PNPLA4: variants seen among roughly 807,000 people sequenced by gnomAD.
The protein encoded by PNPLA4 is patatin like domain 4, phospholipase and triacylglycerol lipase, also known as patatin-like phospholipase domain-containing protein 4.
In PNPLA4, 15 loss-of-function variants were observed where a neutral mutation model predicts 18.3. That is an observed-to-expected ratio of 0.82 (90% CI 0.55 to 1.26). The LOEUF (loss-of-function observed/expected upper bound fraction) is 1.26, where lower values mean the gene tolerates loss of function less well. Ranked by LOEUF, PNPLA4 falls within the 50% of genes most tolerant of loss-of-function variation. PNPLA4 has a pLI of 0.00. For missense variants in PNPLA4, 229 were observed against 196.8 expected, an observed-to-expected ratio of 1.16 and a Z score of -0.98; for synonymous variants, 88 against 85.6, an observed-to-expected ratio of 1.03 and a Z score of -0.16.
At chrX:7,900,849 G>A (rs750330228) in intron 6 of PNPLA4, 32 bp from the exon 7 acceptor site, 1 of 1,130,107 alleles carries the variant, frequency 8.8e-7, no homozygotes, top group East Asian at 3.0e-5. Flanking sequence ...TTAAGCTGTA[G>A]GATATTGCAG....
intron 2 of PNPLA4, among the ~76,000 whole-genome samples, chrX:7,923,399 G>T (rs778428173): frequency 1.3e-4 from 15 of 112,096 alleles, no homozygotes; most frequent in Non-Finnish European, 2.3e-4. Context: ...AAAAGGTAAG[G>T]AAATGGATTC....
intron 5 of PNPLA4, among the ~76,000 whole-genome samples, chrX:7,910,872 ACT>A (rs1161571540): frequency 7.3e-5 from 8 of 109,173 alleles, no homozygotes; most frequent in Non-Finnish European, 1.5e-4. Flanking sequence ...TTAGATATCT[ACT>A]CTATTTAATT....
At chrX:7,917,539 A>G (rs1314631853) in intron 4 of PNPLA4, among the ~76,000 whole-genome samples, 1 of 112,176 alleles carries the variant, frequency 8.9e-6, no homozygotes, top group African/African-American at 3.2e-5. Context: ...GTGGGTTATT[A>G]TGTTATTCGT....
chrX:7,909,437 T>C (rs2146756306), intron 5 of PNPLA4, among the ~76,000 whole-genome samples: 1 of 110,297 alleles, frequency 9.1e-6, no homozygotes, highest in South Asian at 4.0e-4. Flanking sequence ...CATGCACCTG[T>C]AGTCCCAGCT....
Position 7,901,923 on chromosome X carries a change from G to A in PNPLA4, c.630+66C>T. 5 of 1,079,415 alleles carry A rather than the reference G, an allele frequency of 4.6e-6. No homozygotes were observed. The South Asian group carries it at 6.0e-5, about 13-fold the overall frequency. 89.0% of individuals were successfully genotyped at this position (1,079,415 alleles called of 1,213,427 possible). A position where few individuals can be genotyped will look rare whatever the true frequency, so the allele number is the denominator to read the frequency against. ...TGAACTTCCAGTGCTTGGGAAACAC[G>A]TTGAATTCTGTGGGAATTTTTAGTA... On this transcript the variant is annotated intron_variant, in intron 6 of 6. Transcript: ENST00000381042.
rs759325675 is a variant in PNPLA4 at position 7,926,134 on chromosome X, T to C, written c.-13-2A>G. 8.4e-7 allele frequency: 1 copy of C among 1,189,265 alleles called. No individual in the cohort carries two copies. Among genetic ancestry groups the C allele is most frequent in the Non-Finnish European group, 1.1e-6 (1 of 880,130 alleles). ...ATGTGCTTCATTCTAGCTGTAGCAC[T>C]GGCAATACAAAAAACAAAAATGCTG... On this transcript the variant is annotated splice_acceptor_variant, in intron 1 of 6. Transcript: ENST00000381042. LOFTEE classifies it low-confidence loss of function (5UTR_SPLICE).
chrX:7,915,350 C>G (rs1924013374), intron 4 of PNPLA4, among the ~76,000 whole-genome samples: 2 of 107,556 alleles, frequency 1.9e-5, no homozygotes, highest in Non-Finnish European at 3.8e-5. Context: ...GAACACAGAC[C>G]AGGGATGCTG....
At position 7,904,863 on chromosome X, in the gene PNPLA4, AG is replaced by A. The variant is rs200507391; in HGVS notation, c.478-2723del. On this transcript the variant is annotated intron_variant, in intron 5 of 6. Transcript: ENST00000381042. ...AATAGCTGCTGGTCTACCCCGTTAG[AG>A]TTTTCCTGTGTGTTTGTCAGTTTTC... Among the ~76,000 whole-genome samples the A allele has an allele frequency of 9.5e-3, 1,066 of 111,739 alleles. 10 individuals are homozygous for A. The highest frequency in any genetic ancestry group is 0.033 in the African/African-American group (1,013 of 30,701).
chrX:7,913,433 G>C (rs1157219196), intron 4 of PNPLA4, among the ~76,000 whole-genome samples: 1 of 112,246 alleles, frequency 8.9e-6, no homozygotes, highest in Non-Finnish European at 1.9e-5. Flanking sequence ...AAAGGCACAG[G>C]CCTGGTTGTA....
Position 7,921,755 on chromosome X carries a change from ATT to A in PNPLA4, c.367_368del (p.Asn123SerfsTer14). ...TGGAGGAAAAAGTGGAGACTAAGTG[ATT>A]TTCTCTGGTTTTGGCGTTGGTGATG... ...VSITNAKTRE[N>X]HLVSTFSSRE... On this transcript the variant is annotated frameshift_variant, in exon 4 of 7. Transcript: ENST00000381042. 1 of 1,207,106 alleles carries A rather than the reference ATT, an allele frequency of 8.3e-7. No homozygotes were observed. Among genetic ancestry groups the A allele is most frequent in the East Asian group, 3.0e-5 (1 of 33,578 alleles).
intron 2 of PNPLA4, 52 bp from the exon 3 acceptor site, chrX:7,922,150 A>T (rs1924248492): frequency 1.1e-6 from 1 of 884,876 alleles, no homozygotes; most frequent in African/African-American, 2.0e-5. Flanking sequence ...GAAAACAATC[A>T]TTCCACTTCT....
intron 5 of PNPLA4, among the ~76,000 whole-genome samples, chrX:7,903,318 G>A (rs749259489): frequency 2.3e-5 from 2 of 87,534 alleles, no homozygotes; most frequent in East Asian, 3.4e-4. Context: ...TTATTTATTT[G>A]AGACAGAGTC....
chrX:7,911,651 G>T (rs950573563), intron 5 of PNPLA4, among the ~76,000 whole-genome samples: 2 of 111,071 alleles, frequency 1.8e-5, no homozygotes, highest in African/African-American at 3.3e-5. Flanking sequence ...AACCTATGCC[G>T]CATTGTCTGG....
chrX:7,913,559 G>A (rs1345868082), intron 4 of PNPLA4, among the ~76,000 whole-genome samples: 2 of 112,513 alleles, frequency 1.8e-5, no homozygotes, highest in African/African-American at 3.2e-5. Context: ...CAGCAGGAAA[G>A]AAGGTAAGAA....
rs185479164 is a variant in PNPLA4, at chrX:7,916,058, C to A, written c.412-3965G>T. Among the ~76,000 whole-genome samples the A allele has an allele frequency of 3.1e-3, 349 of 111,544 alleles. 2 individuals are homozygous for A. The highest frequency in any genetic ancestry group is 0.011 in the African/African-American group (341 of 30,694). ...GTACCTCTACCCTAGAGCATTCACACGTGTCAAAAGACCCTTTCGGAAAAC... is the reference window on the plus strand; with the variant it reads ...GTACCTCTACCCTAGAGCATTCACAAGTGTCAAAAGACCCTTTCGGAAAAC... On this transcript the variant is annotated intron_variant, in intron 4 of 6. Coordinates refer to ENST00000381042, the MANE Select transcript of PNPLA4 (RefSeq NM_004650.3).
At chrX:7,902,763 A>G (rs145114113) in intron 5 of PNPLA4, among the ~76,000 whole-genome samples, 303 of 111,736 alleles carry the variant, frequency 2.7e-3, no homozygotes, top group African/African-American at 9.5e-3. Flanking sequence ...AAAATGAAAG[A>G]GTCTTGGGGC....
chrX:7,905,173 C>T (rs754097423), intron 5 of PNPLA4, among the ~76,000 whole-genome samples: 1 of 112,472 alleles, frequency 8.9e-6, no homozygotes, highest in South Asian at 3.6e-4. Context: ...CAGACATCTA[C>T]TGTGATTGTT....
Position 7,922,147 on chromosome X carries a change from A to G in PNPLA4, c.181-49T>C, listed in dbSNP as rs779737646. On this transcript the variant is annotated intron_variant, in intron 2 of 6. Coordinates refer to ENST00000381042, the MANE Select transcript of PNPLA4 (RefSeq NM_004650.3). Reference sequence around the variant, plus strand: ...GACCCTAGGTGTTGTAAAGAAAACAATCATTCCACTTCTAAAACTTGGGAT... The same window carrying G: ...GACCCTAGGTGTTGTAAAGAAAACAGTCATTCCACTTCTAAAACTTGGGAT... The G allele has an allele frequency of 7.9e-6, 7 of 890,851 alleles. No homozygotes were observed. The East Asian group carries it at 1.6e-4, about 21-fold the overall frequency. The allele number at this position is 890,851 out of a possible 1,213,427, so 73.4% of individuals were successfully genotyped here. A position where few individuals can be genotyped will look rare whatever the true frequency, so the allele number is the denominator to read the frequency against.
intron 2 of PNPLA4, among the ~76,000 whole-genome samples, chrX:7,925,412 C>G (rs916442633): frequency 9.8e-5 from 11 of 112,539 alleles, no homozygotes; most frequent in Non-Finnish European, 1.9e-4. Flanking sequence ...AAATAAAGTA[C>G]TTAATGAATA....
Sources: gnomAD v4.1 joint callset for allele counts (sites outside exome capture counted in the v4.1 genomes callset) on GRCh38, gnomAD v4.1.1 for gene constraint, MANE v1.5 for transcripts, NCBI Gene and HGNC (gene_info 2026-07-23, HGNC 2026-07-21) for gene names.